KBTBD11: variants seen among roughly 807,000 people sequenced by gnomAD.
KBTBD11 encodes the protein kelch repeat and BTB domain containing 11.
For synonymous variants in KBTBD11, 747 were observed against 499.0 expected (o/e 1.50, Z -6.63); for missense variants, 1,390 against 1,001.8 (o/e 1.39, Z -5.23).
rs1385020086 is a variant in KBTBD11, at chr8:2,001,514, C to G, written c.322C>G (p.Pro108Ala). The G allele has an allele frequency of 4.9e-6, 7 of 1,414,754 alleles. No homozygotes were observed. Among genetic ancestry groups the G allele is most frequent in the Non-Finnish European group, 6.4e-6 (7 of 1,089,708 alleles). 87.6% of individuals were successfully genotyped at this position (1,414,754 alleles called of 1,614,324 possible). The change falls in exon 2 of 2, where the codon CCC (proline) becomes GCC (alanine). Residue 108 changes from proline to alanine, a missense_variant. Transcript: ENST00000320248. ...ACPEEPAAPSPEPRVWLEDPA... is the reference protein window; with the variant it reads ...ACPEEPAAPSAEPRVWLEDPA... ...CCCGGAAGAGCCCGCGGCGCCGTCCCCCGAACCGCGCGTTTGGCTTGAGGA... is the reference window on the plus strand; with the variant it reads ...CCCGGAAGAGCCCGCGGCGCCGTCCGCCGAACCGCGCGTTTGGCTTGAGGA...
chr8:2,003,524 TATAACTG>T lies in KBTBD11; in HGVS notation c.*465_*471del, dbSNP rs1429021482. The T allele has an allele frequency of 5.9e-6, 1 of 169,682 alleles. No homozygotes were observed. Among genetic ancestry groups the T allele is most frequent in the Non-Finnish European group, 1.4e-5 (1 of 70,112 alleles). The allele number at this position is 169,682 out of a possible 1,614,324, so 10.5% of individuals were successfully genotyped here. A position where few individuals can be genotyped will look rare whatever the true frequency, so the allele number is the denominator to read the frequency against. The stretch of plus-strand genomic sequence containing the variant: ...TTATTTTTGGCTTGAGATTTAAAAT[TATAACTG>T]ATAAGTAAAGCTCTTTCTGATTTAG... On this transcript the variant is annotated 3_prime_UTR_variant, in exon 2 of 2. Transcript: ENST00000320248.
chr8:1,997,780 G>A (rs899473042), intron 1 of KBTBD11, among the ~76,000 whole-genome samples: 1 of 152,256 alleles, frequency 6.6e-6, no homozygotes, highest in African/African-American at 2.4e-5. Flanking sequence ...TCCTCCCAGT[G>A]AGAGTGCGAC....
intron 1 of KBTBD11, among the ~76,000 whole-genome samples, chr8:1,982,392 A>T (rs1215063972): frequency 6.6e-6 from 1 of 152,206 alleles, no homozygotes; most frequent in Non-Finnish European, 1.5e-5. Flanking sequence ...GGGAATAGTA[A>T]GTTCTTACCT....
At chr8:1,981,796 A>G (rs1816549544) in intron 1 of KBTBD11, among the ~76,000 whole-genome samples, 2 of 152,224 alleles carry the variant, frequency 1.3e-5, no homozygotes, top group African/African-American at 4.8e-5. Context: ...GACTTGCATC[A>G]GTGGTCCCCT....
chr8:2,002,759 A>G lies in KBTBD11; in HGVS notation c.1567A>G (p.Ser523Gly). 6.7e-7 allele frequency: 1 copy of G among 1,487,172 alleles called. No individual in the cohort carries two copies. Among genetic ancestry groups the G allele is most frequent in the Non-Finnish European group, 8.9e-7 (1 of 1,126,082 alleles). 92.1% of individuals were successfully genotyped at this position (1,487,172 alleles called of 1,614,324 possible). ...EAQAAGPSGVSVSRYHCLAKQ... is the reference protein window; with the variant it reads ...EAQAAGPSGVGVSRYHCLAKQ... ...GCAGGCGGCGGGGCCGAGCGGGGTC[A>G]GCGTGTCCCGATACCACTGCCTGGC... is the stretch of plus-strand genomic sequence containing the variant. The change falls in exon 2 of 2, where the codon AGC becomes GGC. Residue 523 changes from serine (S) to glycine (G), a missense_variant. Physicochemically the swap from Ser to Gly is moderately conservative, Grantham distance 56 (BLOSUM62 0). Coordinates refer to ENST00000320248, the MANE Select transcript of KBTBD11 (RefSeq NM_014867.3). The surrounding 1 kb of genome is among the most constrained non-coding windows in gnomAD (Gnocchi z 4.1).
In KBTBD11 at chr8:2,005,838, T is replaced by A. The variant is rs1486690620; in HGVS notation, c.*2774T>A. ...AGGCAGTGGTGTCTTTTGGGGAAAATGTTATGCATGGAAGCCTGACCTTTT... is the reference window on the plus strand; with the variant it reads ...AGGCAGTGGTGTCTTTTGGGGAAAAAGTTATGCATGGAAGCCTGACCTTTT... On this transcript the variant is annotated 3_prime_UTR_variant, in exon 2 of 2. Transcript: ENST00000320248. 6.0e-6 allele frequency: 1 copy of A among 166,992 alleles called. No homozygotes were observed. Among genetic ancestry groups the A allele is most frequent in the Non-Finnish European group, 1.5e-5 (1 of 68,090 alleles). 10.3% of individuals were successfully genotyped at this position (166,992 alleles called of 1,614,324 possible). A position where few individuals can be genotyped will look rare whatever the true frequency, so the allele number is the denominator to read the frequency against.
intron 1 of KBTBD11, among the ~76,000 whole-genome samples, chr8:1,980,276 G>T (rs963266217): frequency 2.0e-5 from 3 of 148,342 alleles, no homozygotes; most frequent in African/African-American, 7.6e-5. Flanking sequence ...CACCAGGCTG[G>T]AGTGCAGTGG....
Position 2,001,210 on chromosome 8 carries a change from C to T in KBTBD11, c.18C>T (p.Ala6=), listed in dbSNP as rs1217021103. 4 of 1,396,796 alleles carry T rather than the reference C, an allele frequency of 2.9e-6. No homozygotes were observed. Among genetic ancestry groups the T allele is most frequent in the Non-Finnish European group, 3.7e-6 (4 of 1,073,066 alleles). The allele number at this position is 1,396,796 out of a possible 1,614,324, so 86.5% of individuals were successfully genotyped here. MEHAV[A]PCVLYPGTEP... Reference sequence around the variant, plus strand: ...GCCCGGCCATGGAGCACGCGGTGGCCCCCTGCGTCCTCTACCCAGGGACTG... The same window carrying T: ...GCCCGGCCATGGAGCACGCGGTGGCTCCCTGCGTCCTCTACCCAGGGACTG... The change falls in exon 2 of 2, where the codon GCC becomes GCT. Residue 6 remains alanine, a synonymous_variant. Coordinates refer to ENST00000320248, the MANE Select transcript of KBTBD11 (RefSeq NM_014867.3).
In KBTBD11 at chr8:2,002,258, G is replaced by A. The variant is rs755392078; in HGVS notation, c.1066G>A (p.Val356Ile). ...GAPARGCGLC[V>I]LYNYLFVAGG... ...GCCGGCGCGGGGCTGCGGCCTGTGC[G>A]TCCTCTACAACTACCTCTTCGTGGC... Residue 356 changes from valine (V) to isoleucine (I), a missense_variant, in exon 2 of 2, where the codon GTC (valine) becomes ATC (isoleucine). Val to Ile is a conservative substitution (Grantham distance 29, BLOSUM62 3). Coordinates refer to ENST00000320248, the MANE Select transcript of KBTBD11 (RefSeq NM_014867.3). The surrounding 1 kb of genome is among the most constrained non-coding windows in gnomAD (Gnocchi z 4.1). The A allele has an allele frequency of 4.2e-5, 55 of 1,305,102 alleles. 1 individual carries two copies. In the South Asian group the frequency reaches 6.1e-4, roughly 15 times the overall value. 80.8% of individuals were successfully genotyped at this position (1,305,102 alleles called of 1,614,324 possible). A position where few individuals can be genotyped will look rare whatever the true frequency, so the allele number is the denominator to read the frequency against.
At position 2,004,659 on chromosome 8, in the gene KBTBD11, G is replaced by A. The variant is rs1464563842; in HGVS notation, c.*1595G>A. 6.0e-6 allele frequency: 1 copy of A among 167,034 alleles called. No individual in the cohort carries two copies. Among genetic ancestry groups the A allele is most frequent in the Non-Finnish European group, 1.5e-5 (1 of 68,138 alleles). 10.3% of individuals were successfully genotyped at this position (167,034 alleles called of 1,614,324 possible). ...GCTGGAATTTATGATCTGGGTTACG[G>A]TATGTTCTGGGGACGTGTCTGCTTG... On this transcript the variant is annotated 3_prime_UTR_variant, in exon 2 of 2. Coordinates refer to ENST00000320248, the MANE Select transcript of KBTBD11 (RefSeq NM_014867.3).
chr8:2,001,754 C>G lies in KBTBD11; in HGVS notation c.562C>G (p.Leu188Val). ...GVSLTALRLL[L>V]ADAYSGRMAG... ...GAGCCTGACGGCGCTGCGGCTGCTC[C>G]TCGCCGACGCCTACAGCGGGCGCAT... is the stretch of plus-strand genomic sequence containing the variant. The change falls in exon 2 of 2, where the codon CTC (leucine) becomes GTC (valine). Residue 188 changes from leucine to valine, a missense_variant. Leu to Val is a conservative substitution (Grantham distance 32, BLOSUM62 1). Transcript: ENST00000320248. The G allele has an allele frequency of 7.6e-7, 1 of 1,317,160 alleles. No individual in the cohort carries two copies. Among genetic ancestry groups the G allele is most frequent in the Non-Finnish European group, 9.7e-7 (1 of 1,035,448 alleles). 81.6% of individuals were successfully genotyped at this position (1,317,160 alleles called of 1,614,324 possible).
At chr8:1,993,296 A>T (rs890851508) in intron 1 of KBTBD11, among the ~76,000 whole-genome samples, 4 of 151,964 alleles carry the variant, frequency 2.6e-5, no homozygotes, top group Admixed American at 2.6e-4. Context: ...TAGTTTCCCT[A>T]GCTAACATGC....
At chr8:1,986,325 G>T (rs1320227907) in intron 1 of KBTBD11, among the ~76,000 whole-genome samples, 1 of 152,204 alleles carries the variant, frequency 6.6e-6, no homozygotes, top group African/African-American at 2.4e-5. Context: ...TTGGGACTCT[G>T]TCAAATCTTA....
At chr8:1,976,571 C>G (rs1816352013) in intron 1 of KBTBD11, 3 of 146,846 alleles carry the variant, frequency 2.0e-5, no homozygotes, top group South Asian at 2.3e-4. Flanking sequence ...TCCCCCACCC[C>G]CCACCCTGCT....
chr8:2,005,865 C>T lies in KBTBD11; in HGVS notation c.*2801C>T, dbSNP rs1003385108. The stretch of plus-strand genomic sequence containing the variant: ...TTATGCATGGAAGCCTGACCTTTTG[C>T]TTAGTTGACAGCAATCCCTTCTGTA... On this transcript the variant is annotated 3_prime_UTR_variant, in exon 2 of 2. Coordinates refer to ENST00000320248, the MANE Select transcript of KBTBD11 (RefSeq NM_014867.3). 6 of 167,078 alleles carry T rather than the reference C, an allele frequency of 3.6e-5. No individual in the cohort carries two copies. The highest frequency in any genetic ancestry group is 1.3e-4 in the Admixed American group (2 of 15,290). The allele number at this position is 167,078 out of a possible 1,614,324, so 10.3% of individuals were successfully genotyped here.
At position 2,002,119 on chromosome 8, in the gene KBTBD11, C is replaced by A; in HGVS notation, c.927C>A (p.Gly309=). The A allele has an allele frequency of 1.8e-6, 2 of 1,109,520 alleles. No individual in the cohort carries two copies. The highest frequency in any genetic ancestry group is 2.2e-6 in the Non-Finnish European group (2 of 912,388). The allele number at this position is 1,109,520 out of a possible 1,614,324, so 68.7% of individuals were successfully genotyped here. The stretch of plus-strand genomic sequence containing the variant: ...TCGGGCCGGCGGGGGAGCGCGCGGG[C>A]AGCCGGCCTCAGAGCCCCTCGGGGG... The part of the protein sequence containing the change: ...AALGPAGERA[G]SRPQSPSGDA... Residue 309 remains glycine (G), a synonymous_variant, in exon 2 of 2, where the codon GGC becomes GGA. Coordinates refer to ENST00000320248, the MANE Select transcript of KBTBD11 (RefSeq NM_014867.3). This position sits in a 1 kb window ranked among gnomAD's most constrained non-coding sequence, Gnocchi z 4.1.
chr8:1,986,241 A>G (rs1816703376), intron 1 of KBTBD11, among the ~76,000 whole-genome samples: 1 of 152,166 alleles, frequency 6.6e-6, no homozygotes, highest in Admixed American at 6.5e-5. Flanking sequence ...ACAAAGTCTG[A>G]GTGGCAAGTA....
chr8:2,001,832 C>T lies in KBTBD11; in HGVS notation c.640C>T (p.Leu214=). 8.2e-7 allele frequency: 1 copy of T among 1,217,670 alleles called. No homozygotes were observed. Among genetic ancestry groups the T allele is most frequent in the Non-Finnish European group, 1.0e-6 (1 of 982,108 alleles). The allele number at this position is 1,217,670 out of a possible 1,614,324, so 75.4% of individuals were successfully genotyped here. ...CGAGGTGGTGGCCGGCGCGCGCCGC[C>T]TGCAGCTGCCCGGCGCCGCGCAGCG... is the stretch of plus-strand genomic sequence containing the variant. ...VAEVVAGARR[L]QLPGAAQRAT... The change falls in exon 2 of 2, where the codon CTG becomes TTG. Residue 214 remains leucine, a synonymous_variant. Transcript: ENST00000320248.
At chr8:1,995,552 G>T (rs901478173) in intron 1 of KBTBD11, among the ~76,000 whole-genome samples, 6 of 152,102 alleles carry the variant, frequency 3.9e-5, no homozygotes, top group Admixed American at 3.3e-4. Flanking sequence ...GTGTGAGGAC[G>T]GCCAGTTCCA....
Sources: allele counts gnomAD v4.1 joint callset (sites outside exome capture counted in the v4.1 genomes callset), GRCh38; gene constraint gnomAD v4.1.1; non-coding constraint Gnocchi (gnomAD v3.1); transcripts MANE v1.5; gene names NCBI Gene and HGNC (gene_info 2026-07-23, HGNC 2026-07-21).